Variants in SEC16A observed in about 807,000 individuals in gnomAD.
SEC16A encodes the protein protein transport protein Sec16A.
Under a neutral mutation model 221.9 loss-of-function variants are expected in SEC16A, and 110 were observed. The observed-to-expected ratio is 0.50, with a 90% CI of 0.42 to 0.58. The LOEUF is 0.58. Ranked by LOEUF, SEC16A falls within the 20% of genes least tolerant of loss-of-function variation. SEC16A has a pLI of 0.00. For missense variants in SEC16A, 3,165 were observed against 3,097.8 expected (o/e 1.02, Z -0.52); for synonymous variants, 1,393 against 1,257.7 (o/e 1.11, Z -2.28).
upstream of SEC16A, chr9:136,483,801 G>T: frequency 3.0e-6 from 3 of 985,368 alleles, no homozygotes; most frequent in Non-Finnish European, 2.4e-6. Flanking sequence ...AGGCGGCGGC[G>T]GCCGCGCATG....
chr9:136,455,394 T>C (rs553277185), intron 20 of SEC16A, among the ~76,000 whole-genome samples: 1 of 152,108 alleles, frequency 6.6e-6, no homozygotes, highest in East Asian at 1.9e-4. Context: ...GCCATGAGCC[T>C]CCCCTCCATG....
At position 136,447,707 on chromosome 9, in the gene SEC16A, A is replaced by C; in HGVS notation, c.6448-27T>G. The C allele has an allele frequency of 1.9e-6, 3 of 1,581,812 alleles. No individual in the cohort carries two copies. The highest frequency in any genetic ancestry group is 2.6e-6 in the Non-Finnish European group (3 of 1,154,128). ...TGCAGAGGGAAACACAGCTTCAGAC[A>C]CCCACTGTGTGCACAGAAACCCACT... On this transcript the variant is annotated intron_variant, in intron 25 of 31. Transcript: ENST00000684901. This position sits in a 1 kb window ranked among gnomAD's most constrained non-coding sequence, Gnocchi z 5.5.
At position 136,477,368 on chromosome 9, in the gene SEC16A, G is replaced by A. The variant is rs2132980248; in HGVS notation, c.248C>T (p.Pro83Leu). 1 of 1,614,008 alleles carries A rather than the reference G, an allele frequency of 6.2e-7. No individual in the cohort carries two copies. The highest frequency in any genetic ancestry group is 8.5e-7 in the Non-Finnish European group (1 of 1,179,896). The part of the protein sequence containing the change: ...SSPPVLQGPA[P>L]AGFSQHPGLL... ...ACCGGGGTGCTGAGAAAACCCTGCGGGGGCTGGGCCTTGCAAGACAGGTGG... is the reference window on the plus strand; with the variant it reads ...ACCGGGGTGCTGAGAAAACCCTGCGAGGGCTGGGCCTTGCAAGACAGGTGG... The change falls in exon 3 of 32, where the codon CCC (proline) becomes CTC (leucine). Residue 83 changes from proline (P) to leucine (L), a missense_variant. Physicochemically the swap from Pro to Leu is moderately conservative, Grantham distance 98. Around this residue, in one of 3 missense-constraint regions of SEC16A, gnomAD observed 2,030 missense variants for 1,923.1 expected, o/e 1.06. Coordinates refer to ENST00000684901, the MANE Select transcript of SEC16A (RefSeq NM_014866.2).
At chr9:136,469,323 G>A (rs534637165) in intron 4 of SEC16A, among the ~76,000 whole-genome samples, 9 of 152,294 alleles carry the variant, frequency 5.9e-5, no homozygotes, top group Non-Finnish European at 8.8e-5. Context: ...TGGAGCTGAC[G>A]TGGTGTCAGA....
intron 4 of SEC16A, 121 bp from the exon 5 acceptor site, chr9:136,468,633 A>G: frequency 1.6e-6 from 1 of 624,198 alleles, no homozygotes; most frequent in Non-Finnish European, 2.8e-6. Flanking sequence ...TTGTACAAAA[A>G]TTCCAATTAG....
intron 13 of SEC16A, 61 bp downstream of exon 13, chr9:136,461,116 G>A (rs1023917003): frequency 9.7e-6 from 13 of 1,334,590 alleles, no homozygotes; most frequent in East Asian, 7.5e-5. Context: ...GGGTGCGGAC[G>A]CCGCGTGCTA....
intron 21 of SEC16A, 71 bp downstream of exon 21, chr9:136,454,037 CT>C (rs758494020): frequency 1.8e-5 from 24 of 1,352,416 alleles, no homozygotes; most frequent in Non-Finnish European, 1.8e-5. Flanking sequence ...ACTTCAATCT[CT>C]TCCACCAATC....
At position 136,466,878 on chromosome 9, in the gene SEC16A, A is replaced by G; in HGVS notation, c.3929+79T>C. On this transcript the variant is annotated intron_variant, in intron 6 of 31. Transcript: ENST00000684901. The surrounding 1 kb of genome is among the most constrained non-coding windows in gnomAD (Gnocchi z 5.5). ...CAAACTACCACAGCTCTTTGTTAAA[A>G]CCCAGACATGAGGGCAGAGAAGCAC... 6.7e-7 allele frequency: 1 copy of G among 1,497,338 alleles called. No homozygotes were observed. Among genetic ancestry groups the G allele is most frequent in the Middle Eastern group, 2.1e-4 (1 of 4,836 alleles). 92.8% of individuals were successfully genotyped at this position (1,497,338 alleles called of 1,614,324 possible).
In SEC16A at chr9:136,466,611, C is replaced by A; in HGVS notation, c.3930-149G>T. On this transcript the variant is annotated intron_variant, in intron 6 of 31. Transcript: ENST00000684901. This position sits in a 1 kb window ranked among gnomAD's most constrained non-coding sequence, Gnocchi z 5.5. ...CCGACACTCAGGGCCCTCTGACGTG[C>A]AACGTTAGAGAAGTACTGCGAATGC... 2 of 753,162 alleles carry A rather than the reference C, an allele frequency of 2.7e-6. No individual in the cohort carries two copies. The highest frequency in any genetic ancestry group is 4.2e-6 in the Non-Finnish European group (2 of 475,026). The allele number at this position is 753,162 out of a possible 1,614,324, so 46.7% of individuals were successfully genotyped here.
In SEC16A at chr9:136,475,814, C is replaced by T. The variant is rs1395275196; in HGVS notation, c.1802G>A (p.Gly601Glu). 3 of 1,583,186 alleles carry T rather than the reference C, an allele frequency of 1.9e-6. No homozygotes were observed. The South Asian group carries it at 3.4e-5, about 18-fold the overall frequency. ...PSTPSPPKPT[G>E]IFQTSANSSF... is the part of the protein sequence containing the mutation. ...ACTATTTGCACTTGTCTGAAATATT[C>T]CTGTAGGTTTCGGGGGGCTCGGGGT... The change falls in exon 3 of 32, where the codon GGA (glycine) becomes GAA (glutamate). Residue 601 changes from glycine to glutamate, a missense_variant. By Grantham distance (98) the Gly-to-Glu change is moderately conservative. This residue lies in a region of SEC16A where 2,030 missense variants were observed against 1,923.1 expected (regional missense o/e 1.06). Transcript: ENST00000684901. This position sits in a 1 kb window ranked among gnomAD's most constrained non-coding sequence, Gnocchi z 5.0.
At chr9:136,456,758 CCT>C (rs768575192) in intron 18 of SEC16A, among the ~76,000 whole-genome samples, 12 of 152,224 alleles carry the variant, frequency 7.9e-5, no homozygotes, top group Non-Finnish European at 1.6e-4. Context: ...AGTCATGCCG[CCT>C]CTGTTTTACA....
rs370873951 is a variant in SEC16A at position 136,462,941 on chromosome 9, C to T, written c.4839G>A (p.Ser1613=). Residue 1613 remains serine, a synonymous_variant, in exon 12 of 32, where the codon TCG becomes TCA. Coordinates refer to ENST00000684901, the MANE Select transcript of SEC16A (RefSeq NM_014866.2). ...TGAACCTCTCGGTCTCTCTCTCGAG[C>T]GAGCTGGCGGCAGCCGCCGGACCAC... ...LTGGPAAAAS[S]LERETERFRE... 95 of 1,605,374 alleles carry T rather than the reference C, an allele frequency of 5.9e-5. No homozygotes were observed. The highest frequency in any genetic ancestry group is 7.7e-5 in the South Asian group (7 of 91,090).
chr9:136,442,505 G>A (rs1836336931), intron 31 of SEC16A, among the ~76,000 whole-genome samples: 1 of 152,330 alleles, frequency 6.6e-6, no homozygotes, highest in South Asian at 2.1e-4. Context: ...ATCCCAAGAG[G>A]CCCCAGACCT....
Position 136,447,709 on chromosome 9 carries a change from C to T in SEC16A, c.6448-29G>A, listed in dbSNP as rs1321019857. On this transcript the variant is annotated intron_variant, in intron 25 of 31. Transcript: ENST00000684901. This position sits in a 1 kb window ranked among gnomAD's most constrained non-coding sequence, Gnocchi z 5.5. ...CAGAGGGAAACACAGCTTCAGACAC[C>T]CACTGTGTGCACAGAAACCCACTGG... is the stretch of plus-strand genomic sequence containing the variant. 8 of 1,580,024 alleles carry T rather than the reference C, an allele frequency of 5.1e-6. No individual in the cohort carries two copies. The South Asian group carries it at 6.7e-5, about 13-fold the overall frequency.
In SEC16A at chr9:136,447,992, C is replaced by T; in HGVS notation, c.6391-83G>A. The T allele has an allele frequency of 6.6e-7, 1 of 1,518,764 alleles. No homozygotes were observed. 94.1% of individuals were successfully genotyped at this position (1,518,764 alleles called of 1,614,324 possible). A position where few individuals can be genotyped will look rare whatever the true frequency, so the allele number is the denominator to read the frequency against. On this transcript the variant is annotated intron_variant, in intron 24 of 31. Coordinates refer to ENST00000684901, the MANE Select transcript of SEC16A (RefSeq NM_014866.2). The surrounding 1 kb of genome is among the most constrained non-coding windows in gnomAD (Gnocchi z 5.5). ...TCTGATTAATGATGACACTTCAAAA[C>T]TTCAGGAAACACCTACTCAGGTCTG... is the stretch of plus-strand genomic sequence containing the variant.
intron 23 of SEC16A, 24 bp downstream of exon 23, chr9:136,451,232 C>T (rs775311319): frequency 1.2e-5 from 19 of 1,602,392 alleles, no homozygotes; most frequent in Middle Eastern, 1.7e-4. Context: ...GGCCGCCAGG[C>T]GCACCGTGGG....
intron 8 of SEC16A, 147 bp downstream of exon 8, chr9:136,465,815 C>A (rs1384460109): frequency 7.1e-6 from 6 of 843,398 alleles, no homozygotes; most frequent in Non-Finnish European, 1.1e-5. Flanking sequence ...CCTGACACAC[C>A]CTGCTTCTCG....
intron 22 of SEC16A, among the ~76,000 whole-genome samples, chr9:136,452,157 G>C (rs946115937): frequency 1.3e-5 from 2 of 152,160 alleles, no homozygotes; most frequent in Non-Finnish European, 1.5e-5. Context: ...TGTAGAAAAA[G>C]AGACGGCCGG....
chr9:136,476,925 G>A lies in SEC16A; in HGVS notation c.691C>T (p.Pro231Ser). ...CTGGGAACAGGTCCTTCAGGGCAGG[G>A]TGAACGATGTTGCCCCGAGGGCTGT... The part of the protein sequence containing the change: ...GPQPSGQHRS[P>S]CPEGPVPSGV... Residue 231 changes from proline (P) to serine (S), a missense_variant, in exon 3 of 32, where the codon CCC becomes TCC. Transcript: ENST00000684901. The A allele has an allele frequency of 6.2e-7, 1 of 1,612,024 alleles. No homozygotes were observed. Among genetic ancestry groups the A allele is most frequent in the South Asian group, 1.1e-5 (1 of 91,062 alleles).
Sources: allele counts gnomAD v4.1 joint callset (sites outside exome capture counted in the v4.1 genomes callset), GRCh38; gene constraint gnomAD v4.1.1; regional missense constraint gnomAD v4.1.1; non-coding constraint Gnocchi (gnomAD v3.1); transcripts MANE v1.5; gene names NCBI Gene and HGNC (gene_info 2026-07-23, HGNC 2026-07-21).